NAV2: variants seen among roughly 807,000 people sequenced by gnomAD.
NAV2 encodes the protein neuron navigator 2.
Under a neutral mutation model 223.2 loss-of-function variants are expected in NAV2, and 54 were observed. The ratio of observed to expected loss-of-function variants is 0.24; its 90% CI spans 0.19 to 0.30. The LOEUF is 0.30. Ranked by LOEUF, NAV2 falls within the 10% of genes least tolerant of loss-of-function variation. The pLI is 1.00. For synonymous variants in NAV2, 1,279 were observed against 1,239.3 expected, an observed-to-expected ratio of 1.03 and a Z score of -0.67; for missense variants, 2,806 against 3,147.5, an observed-to-expected ratio of 0.89 and a Z score of 2.60.
chr11:19,444,745 A>G (rs1054679494), intron 1 of NAV2, among the ~76,000 whole-genome samples: 21 of 151,356 alleles, frequency 1.4e-4, no homozygotes, highest in African/African-American at 4.6e-4. Flanking sequence ...TTATATTATT[A>G]CTAATTATTA....
At chr11:19,446,642 C>G (rs1486046415) in intron 1 of NAV2, among the ~76,000 whole-genome samples, 4 of 152,172 alleles carry the variant, frequency 2.6e-5, no homozygotes. Context: ...AGGACTGCAT[C>G]TCAGACGGTG....
chr11:19,495,200 G>A (rs562196977), intron 1 of NAV2, among the ~76,000 whole-genome samples: 1 of 152,292 alleles, frequency 6.6e-6, no homozygotes, highest in South Asian at 2.1e-4. Flanking sequence ...TTTCATTTAT[G>A]TATTTGTTCT....
chr11:19,886,373 T>G (rs1169183947), intron 5 of NAV2, among the ~76,000 whole-genome samples: 1 of 152,028 alleles, frequency 6.6e-6, no homozygotes, highest in Non-Finnish European at 1.5e-5. Context: ...GCAGTGTGCT[T>G]CTCCATAGAG....
chr11:19,364,317 A>G (rs1413896676), intron 1 of NAV2, among the ~76,000 whole-genome samples: 1 of 152,194 alleles, frequency 6.6e-6, no homozygotes, highest in Non-Finnish European at 1.5e-5. Flanking sequence ...TTCTTATTAT[A>G]TCACAGTATC....
intron 12 of NAV2, among the ~76,000 whole-genome samples, chr11:20,042,098 A>G (rs1433769136): frequency 6.6e-6 from 1 of 152,152 alleles, no homozygotes; most frequent in African/African-American, 2.4e-5. Context: ...GGCAGACAGC[A>G]AGCATGGAGT....
chr11:20,061,703 G>A (rs903233584), intron 19 of NAV2, among the ~76,000 whole-genome samples: 2 of 152,136 alleles, frequency 1.3e-5, no homozygotes, highest in South Asian at 4.1e-4. Context: ...TTGTAGACAT[G>A]ATAGAAATCA....
chr11:19,783,265 A>G (rs1483900219), intron 1 of NAV2, among the ~76,000 whole-genome samples: 2 of 152,198 alleles, frequency 1.3e-5, no homozygotes, highest in African/African-American at 4.8e-5. Context: ...TGTGGGATCC[A>G]GTCCATTGGT....
intron 3 of NAV2, among the ~76,000 whole-genome samples, chr11:19,844,548 A>G (rs1358843069): frequency 1.3e-5 from 2 of 152,218 alleles, no homozygotes. Context: ...CTGAAAATCC[A>G]AAGTGTTTCA....
chr11:20,056,627 AG>A (rs750655006), intron 19 of NAV2: 5 of 1,606,426 alleles, frequency 3.1e-6, no homozygotes, highest in African/African-American at 2.7e-5. Flanking sequence ...GGTATGAGTT[AG>A]GTGAGTAAGC....
At chr11:20,027,327 T>G in intron 11 of NAV2, 1 of 985,456 alleles carries the variant, frequency 1.0e-6, no homozygotes, top group Non-Finnish European at 1.2e-6. Context: ...CGGGAACAAT[T>G]GCCTTGAACA....
At chr11:20,035,312 A>G (rs954224762) in intron 11 of NAV2, among the ~76,000 whole-genome samples, 1 of 152,152 alleles carries the variant, frequency 6.6e-6, no homozygotes, top group Non-Finnish European at 1.5e-5. Context: ...GGTACAAAAG[A>G]AAAAAGAAAG....
At chr11:19,729,631 G>C (rs774375558) in intron 1 of NAV2, among the ~76,000 whole-genome samples, 7 of 152,198 alleles carry the variant, frequency 4.6e-5, no homozygotes, top group Non-Finnish European at 7.4e-5. Context: ...GTATAAAGTA[G>C]ATTTGTGATG....
chr11:19,605,381 C>T (rs1363617625), intron 1 of NAV2, among the ~76,000 whole-genome samples: 2 of 152,132 alleles, frequency 1.3e-5, no homozygotes, highest in Admixed American at 6.5e-5. Flanking sequence ...AAGATGGACT[C>T]CTCTGCACTG....
intron 6 of NAV2, among the ~76,000 whole-genome samples, chr11:19,928,589 T>C (rs1454827244): frequency 6.6e-6 from 1 of 152,222 alleles, no homozygotes; most frequent in Non-Finnish European, 1.5e-5. Flanking sequence ...TCCCCCAAAC[T>C]GGTTTTCATA....
intron 1 of NAV2, among the ~76,000 whole-genome samples, chr11:19,441,952 C>G (rs1851418776): frequency 6.6e-6 from 1 of 152,252 alleles, no homozygotes; most frequent in Non-Finnish European, 1.5e-5. Flanking sequence ...AATCACATTG[C>G]TCATGCCATT....
rs1178461047 is a variant in NAV2, at chr11:19,832,527, A to G, written c.311A>G (p.His104Arg). The stretch of plus-strand genomic sequence containing the variant: ...AATCATTACCTAGCCAAATCCGGCC[A>G]CAAGCGTCTCATCAGGGATCTCCAG... ...WANHYLAKSGHKRLIRDLQQD... is the reference protein window; with the variant it reads ...WANHYLAKSGRKRLIRDLQQD... The change falls in exon 2 of 38, where the codon CAC (histidine) becomes CGC (arginine). Residue 104 changes from histidine (H) to arginine (R), a missense_variant. By Grantham distance (29) the His-to-Arg change is conservative. Transcript: ENST00000349880. 6.2e-7 allele frequency: 1 copy of G among 1,614,180 alleles called. No individual in the cohort carries two copies. Among genetic ancestry groups the G allele is most frequent in the Non-Finnish European group, 8.5e-7 (1 of 1,180,020 alleles).
At chr11:19,716,658 G>A (rs80119455) in intron 1 of NAV2, among the ~76,000 whole-genome samples, 3,183 of 152,256 alleles carry the variant, frequency 0.021, 112 homozygotes, top group African/African-American at 0.074. Flanking sequence ...GGAAGGGCAT[G>A]TCCACTTTCT....
chr11:19,931,595 T>TAA (rs398055055), intron 6 of NAV2, among the ~76,000 whole-genome samples: 2 of 37,994 alleles, frequency 5.3e-5, no homozygotes, highest in Admixed American at 2.5e-4. Flanking sequence ...CATAGGTATT[T>TAA]AAAAAAAAAA....
chr11:19,395,955 T>A (rs1364772537), intron 1 of NAV2, among the ~76,000 whole-genome samples: 1 of 152,130 alleles, frequency 6.6e-6, no homozygotes, highest in African/African-American at 2.4e-5. Context: ...CCTTATGGAG[T>A]ATAATCTAGG....
Sources: gnomAD v4.1 joint callset for allele counts (sites outside exome capture counted in the v4.1 genomes callset) on GRCh38, gnomAD v4.1.1 for gene constraint, MANE v1.5 for transcripts, NCBI Gene and HGNC (gene_info 2026-07-23, HGNC 2026-07-21) for gene names.